Variants in FAT2 observed in about 807,000 individuals in gnomAD.
FAT2 encodes FAT atypical cadherin 2, also known as protocadherin Fat 2.
FAT2 carries 150 observed loss-of-function variants against 295.3 expected under a neutral mutation model. The ratio of observed to expected loss-of-function variants is 0.51; its 90% CI spans 0.44 to 0.58. FAT2 has a LOEUF of 0.58. Among genes scored for constraint, FAT2 ranks in the 20% least tolerant of loss-of-function variants. The pLI is 0.00. For synonymous variants in FAT2, 2,026 were observed against 2,150.3 expected (o/e 0.94, Z 1.60); for missense variants, 4,868 against 5,442.7 (o/e 0.89, Z 3.32).
chr5:151,541,712 G>A (rs1756167010), intron 10 of FAT2, among the ~76,000 whole-genome samples: 1 of 152,242 alleles, frequency 6.6e-6, no homozygotes, highest in Non-Finnish European at 1.5e-5. Flanking sequence ...AGCTTATAGG[G>A]TAGGGTTTTA....
In FAT2 at chr5:151,531,909, G is replaced by T. The variant is rs754876966; in HGVS notation, c.9489C>A (p.Asp3163Glu). ...CCAGGCGGATCACCCCCGTGGTGGC[G>T]TCGATGGAAAAGTGGCCTTCGGCTG... ...PDSAEGHFSI[D>E]ATTGVIRLEK... is the part of the protein sequence containing the mutation. Residue 3163 changes from aspartate (D) to glutamate (E), a missense_variant, in exon 14 of 24, where the codon GAC becomes GAA. This residue lies in a region of FAT2 where 1,046 missense variants were observed against 1,210.1 expected (regional missense o/e 0.86). Transcript: ENST00000261800. This position sits in a 1 kb window ranked among gnomAD's most constrained non-coding sequence, Gnocchi z 5.7. 3 of 1,614,204 alleles carry T rather than the reference G, an allele frequency of 1.9e-6. No homozygotes were observed. Among genetic ancestry groups the T allele is most frequent in the Non-Finnish European group, 2.5e-6 (3 of 1,180,040 alleles).
intron 1 of FAT2, among the ~76,000 whole-genome samples, chr5:151,575,277 T>G (rs1017572298): frequency 6.6e-6 from 1 of 152,270 alleles, no homozygotes; most frequent in African/African-American, 2.4e-5. Flanking sequence ...GTCTTACATC[T>G]GTATGATAAT....
Position 151,521,513 on chromosome 5 carries a change from A to G in FAT2, c.11080T>C (p.Tyr3694His). ...LVFEGHSGTF[Y>H]EFQELASIIT... ...ATGGATGCTAGCTCCTGAAACTCGT[A>G]GAAGGTTCCAGAATGCCCCTCAAAG... The change falls in exon 19 of 24, where the codon TAC becomes CAC. Residue 3694 changes from tyrosine to histidine, a missense_variant. Tyr to His is a moderately conservative substitution (Grantham distance 83). Transcript: ENST00000261800. 1.2e-6 allele frequency: 2 copies of G among 1,614,248 alleles called. No individual in the cohort carries two copies. The highest frequency in any genetic ancestry group is 1.7e-6 in the Non-Finnish European group (2 of 1,180,044).
At position 151,504,698 on chromosome 5, in the gene FAT2, G is replaced by T. The variant is rs761830927; in HGVS notation, c.*867C>A. ...AAAAGTGCCTAAGAATTTTTAAAAT[G>T]AAGAATTAGTTCCTTCCTTCCTTTG... On this transcript the variant is annotated 3_prime_UTR_variant, in exon 24 of 24. Transcript: ENST00000261800. 1 of 152,668 alleles carries T rather than the reference G, an allele frequency of 6.6e-6. No individual in the cohort carries two copies. Among genetic ancestry groups the T allele is most frequent in the Non-Finnish European group, 1.5e-5 (1 of 68,034 alleles). 9.5% of individuals were successfully genotyped at this position (152,668 alleles called of 1,614,324 possible). A position where few individuals can be genotyped will look rare whatever the true frequency, so the allele number is the denominator to read the frequency against.
upstream of FAT2, among the ~76,000 whole-genome samples, chr5:151,591,566 T>C (rs143281029): frequency 1.8e-3 from 277 of 152,270 alleles, 2 homozygotes; most frequent in African/African-American, 6.4e-3. Flanking sequence ...GGACAGGTAG[T>C]GTTGCCCCAG....
chr5:151,559,208 G>A (rs149186928), intron 3 of FAT2, among the ~76,000 whole-genome samples: 180 of 152,296 alleles, frequency 1.2e-3, no homozygotes, highest in Admixed American at 2.3e-3. Flanking sequence ...TGTCGGGGGC[G>A]TGTTCTCGCC....
intron 20 of FAT2, among the ~76,000 whole-genome samples, chr5:151,516,598 C>G (rs997214): frequency 6.6e-6 from 1 of 151,962 alleles, no homozygotes; most frequent in Non-Finnish European, 1.5e-5. Flanking sequence ...ATACTTATCA[C>G]ATTTGAACAA....
rs971555339 is a variant in FAT2 at position 151,504,166 on chromosome 5, C to G, written c.*1399G>C. On this transcript the variant is annotated 3_prime_UTR_variant, in exon 24 of 24. Coordinates refer to ENST00000261800, the MANE Select transcript of FAT2 (RefSeq NM_001447.3). The stretch of plus-strand genomic sequence containing the variant: ...ACTATGTATCTGTCACTCACACTCA[C>G]AGTCACACACACAGCCACAAACCAC... 6.5e-6 allele frequency: 1 copy of G among 152,682 alleles called. No homozygotes were observed. The highest frequency in any genetic ancestry group is 2.4e-5 in the African/African-American group (1 of 41,450). The allele number at this position is 152,682 out of a possible 1,614,324, so 9.5% of individuals were successfully genotyped here. A position where few individuals can be genotyped will look rare whatever the true frequency, so the allele number is the denominator to read the frequency against.
rs1761406356 is a variant in FAT2, at chr5:151,512,585, G to T, written c.11485C>A (p.Leu3829Met). 1.9e-6 allele frequency: 3 copies of T among 1,610,666 alleles called. No individual in the cohort carries two copies. The highest frequency in any genetic ancestry group is 2.2e-5 in the East Asian group (1 of 44,774). Residue 3829 changes from leucine (L) to methionine (M), a missense_variant, in exon 21 of 24, where the codon CTG (leucine) becomes ATG (methionine). Around this residue, in one of 5 missense-constraint regions of FAT2, gnomAD observed 1,046 missense variants for 1,210.1 expected, o/e 0.86. Coordinates refer to ENST00000261800, the MANE Select transcript of FAT2 (RefSeq NM_001447.3). The surrounding 1 kb of genome is among the most constrained non-coding windows in gnomAD (Gnocchi z 4.1). ...AAACCACCCAGACAGTGGTATTCCA[G>T]CTGGGGCACTCCACTGGCCAGCTGC... ...SLKLASGVPQLEYHCLGGFYG... is the reference protein window; with the variant it reads ...SLKLASGVPQMEYHCLGGFYG...
Position 151,548,040 on chromosome 5 carries a change from G to T in FAT2, c.4789+1255C>A, listed in dbSNP as rs57406242. On this transcript the variant is annotated intron_variant, in intron 9 of 23. Transcript: ENST00000261800. ...AGGTTGTCAATGAGATAAAAGATGT[G>T]ATTTCATTTCATAAATCACAAAAAG... Among the ~76,000 whole-genome samples, 1,472 of 152,236 alleles carry T rather than the reference G, an allele frequency of 9.7e-3. 21 individuals are homozygous for T. The highest frequency in any genetic ancestry group is 0.034 in the African/African-American group (1,408 of 41,550).
At chr5:151,564,319 AAACTGAGG>A (rs2127643131) in intron 2 of FAT2, among the ~76,000 whole-genome samples, 1 of 152,368 alleles carries the variant, frequency 6.6e-6, no homozygotes, top group African/African-American at 2.4e-5. Context: ...ACCGCTGGGG[AAACTGAGG>A]CTCAGAGAGG....
intron 22 of FAT2, among the ~76,000 whole-genome samples, chr5:151,508,208 C>T (rs1473137881): frequency 1.3e-5 from 2 of 152,204 alleles, no homozygotes; most frequent in Non-Finnish European, 2.9e-5. Context: ...AAAGTTTGCC[C>T]CATCCCATTT....
At chr5:151,589,937 A>G (rs1245400346) in intron 1 of FAT2, among the ~76,000 whole-genome samples, 1 of 152,102 alleles carries the variant, frequency 6.6e-6, no homozygotes, top group Non-Finnish European at 1.5e-5. Context: ...ATCTTAACAA[A>G]CATCCAACTG....
chr5:151,544,587 T>C lies in FAT2; in HGVS notation c.6540A>G (p.Val2180=), dbSNP rs370148364. ...GGGTATAGAGGGTGATATTTTCAGG[T>C]ACTCTGACTTTGTAATAAGGACTCT... The part of the protein sequence containing the change: ...LFQSPYYKVR[V]PENITLYTPI... Residue 2180 remains valine (V), a synonymous_variant, in exon 10 of 24, where the codon GTA becomes GTG. Coordinates refer to ENST00000261800, the MANE Select transcript of FAT2 (RefSeq NM_001447.3). 2.4e-5 allele frequency: 39 copies of C among 1,613,972 alleles called. No individual in the cohort carries two copies. Among genetic ancestry groups the C allele is most frequent in the Admixed American group, 1.7e-5 (1 of 60,002 alleles).
Position 151,521,302 on chromosome 5 carries a change from T to G in FAT2, c.11291A>C (p.His3764Pro), listed in dbSNP as rs767199738. The change falls in exon 19 of 24, where the codon CAC becomes CCC. Residue 3764 changes from histidine to proline, a missense_variant. Physicochemically the swap from His to Pro is moderately conservative, Grantham distance 77 (BLOSUM62 -2). Around this residue, in one of 5 missense-constraint regions of FAT2, gnomAD observed 1,046 missense variants for 1,210.1 expected, o/e 0.86. Coordinates refer to ENST00000261800, the MANE Select transcript of FAT2 (RefSeq NM_001447.3). ...ATTGCAGGAGCAGCTCCTCTGCAGG[T>G]GGTGCCGCGGGGTTAGGATGCTGAG... ...ARLSILTPRHHLQRSCSCNGT... is the reference protein window; with the variant it reads ...ARLSILTPRHPLQRSCSCNGT... 6.2e-7 allele frequency: 1 copy of G among 1,611,194 alleles called. No homozygotes were observed. Among genetic ancestry groups the G allele is most frequent in the Non-Finnish European group, 8.5e-7 (1 of 1,177,806 alleles).
At chr5:151,548,212 T>G (rs780285345) in intron 9 of FAT2, among the ~76,000 whole-genome samples, 10 of 152,150 alleles carry the variant, frequency 6.6e-5, no homozygotes, top group Non-Finnish European at 1.3e-4. Flanking sequence ...ATGCAATAAA[T>G]GAACATTAGG....
chr5:151,586,936 T>G (rs970492365), intron 1 of FAT2, among the ~76,000 whole-genome samples: 3 of 151,468 alleles, frequency 2.0e-5, no homozygotes, highest in African/African-American at 7.3e-5. Flanking sequence ...AGGTCAGGAG[T>G]TCAAGACCAG....
intron 1 of FAT2, among the ~76,000 whole-genome samples, chr5:151,575,829 C>T (rs1239009770): frequency 6.6e-6 from 1 of 152,230 alleles, no homozygotes; most frequent in African/African-American, 2.4e-5. Context: ...TGTTCTGTCT[C>T]TGTGCTGTCC....
intron 22 of FAT2, 90 bp from the exon 23 acceptor site, chr5:151,507,701 C>T (rs1761006464): frequency 1.7e-6 from 2 of 1,198,394 alleles, no homozygotes; most frequent in Non-Finnish European, 2.3e-6. Context: ...GAGACTGCTC[C>T]CCCCAAAACC....
Sources: gnomAD v4.1 joint callset for allele counts (sites outside exome capture counted in the v4.1 genomes callset) on GRCh38, gnomAD v4.1.1 for gene constraint, gnomAD v4.1.1 regional missense constraint, Gnocchi (gnomAD v3.1) non-coding constraint, MANE v1.5 for transcripts, NCBI Gene and HGNC (gene_info 2026-07-23, HGNC 2026-07-21) for gene names.